Variants in PDE4B observed in about 807,000 individuals in gnomAD.
PDE4B encodes 3',5'-cyclic-AMP phosphodiesterase 4B.
In PDE4B, 20 loss-of-function variants were observed where a neutral mutation model predicts 82.2. The observed-to-expected ratio is 0.24, with a 90% CI of 0.17 to 0.35. PDE4B has a LOEUF of 0.35. PDE4B is among the 10% of genes least tolerant of loss of function. The pLI, the probability that PDE4B is intolerant of heterozygous loss-of-function variation, is 1.00. For synonymous variants in PDE4B, 320 were observed against 318.9 expected (o/e 1.00, Z -0.04); for missense variants, 655 against 907.2 (o/e 0.72, Z 3.57).
intron 1 of PDE4B, among the ~76,000 whole-genome samples, chr1:65,800,913 G>A (rs1333846403): frequency 1.3e-5 from 2 of 152,212 alleles, no homozygotes; most frequent in East Asian, 1.9e-4. Context: ...TTAACTGGAC[G>A]GAAGGTGTGG....
intron 3 of PDE4B, among the ~76,000 whole-genome samples, chr1:66,007,472 C>T (rs966215718): frequency 6.6e-6 from 1 of 151,948 alleles, no homozygotes; most frequent in Non-Finnish European, 1.5e-5. Flanking sequence ...CAAAACCAAA[C>T]AAATGAAAAA....
intron 1 of PDE4B, among the ~76,000 whole-genome samples, chr1:65,840,881 C>T (rs1392361024): frequency 2.6e-5 from 4 of 152,188 alleles, no homozygotes; most frequent in Admixed American, 1.3e-4. Flanking sequence ...ACTGAAATTT[C>T]GGAATCGCTA....
At chr1:66,100,831 T>C (rs2101019974) in intron 3 of PDE4B, among the ~76,000 whole-genome samples, 1 of 152,288 alleles carries the variant, frequency 6.6e-6, no homozygotes, top group Non-Finnish European at 1.5e-5. Flanking sequence ...GTAATTTTTT[T>C]ATTTTTATTT....
intron 3 of PDE4B, among the ~76,000 whole-genome samples, chr1:66,197,371 C>T (rs757361433): frequency 6.6e-6 from 1 of 152,040 alleles, no homozygotes; most frequent in Non-Finnish European, 1.5e-5. Flanking sequence ...CAACTCACTC[C>T]ACTAAACTAA....
At chr1:66,031,559 C>T (rs975995197) in intron 3 of PDE4B, among the ~76,000 whole-genome samples, 1 of 152,128 alleles carries the variant, frequency 6.6e-6, no homozygotes, top group African/African-American at 2.4e-5. Context: ...CTGTAGCCTG[C>T]AAGTAAATTA....
At chr1:65,819,196 A>G (rs1197213299) in intron 1 of PDE4B, among the ~76,000 whole-genome samples, 1 of 152,234 alleles carries the variant, frequency 6.6e-6, no homozygotes, top group Admixed American at 6.5e-5. Context: ...ATGGGTATAT[A>G]TAATCCACCT....
chr1:66,182,203 G>T (rs1195850334), intron 3 of PDE4B, among the ~76,000 whole-genome samples: 2 of 152,084 alleles, frequency 1.3e-5, no homozygotes, highest in African/African-American at 2.4e-5. Flanking sequence ...GGGTTTTTCG[G>T]TGTGGTTGTT....
chr1:65,876,942 A>C (rs1646651290), intron 1 of PDE4B, among the ~76,000 whole-genome samples: 1 of 152,232 alleles, frequency 6.6e-6, no homozygotes, highest in Admixed American at 6.5e-5. Context: ...GCTCGTGGAT[A>C]GGATGAATCA....
At chr1:66,057,559 GACTT>G (rs933887830) in intron 3 of PDE4B, among the ~76,000 whole-genome samples, 11 of 152,154 alleles carry the variant, frequency 7.2e-5, no homozygotes, top group African/African-American at 1.9e-4. Flanking sequence ...AGGTTTATTG[GACTT>G]ACAGTTCCAC....
chr1:66,009,123 C>T (rs992035659), intron 3 of PDE4B, among the ~76,000 whole-genome samples: 7 of 152,120 alleles, frequency 4.6e-5, no homozygotes, highest in African/African-American at 1.7e-4. Flanking sequence ...TAACATGTTC[C>T]AAATCTTTTC....
intron 3 of PDE4B, among the ~76,000 whole-genome samples, chr1:65,919,364 G>A (rs1450980528): frequency 3.9e-5 from 6 of 152,188 alleles, no homozygotes; most frequent in Non-Finnish European, 8.8e-5. Context: ...GTTGTGCAGA[G>A]TCTATATTTG....
chr1:66,149,925 T>C (rs1646357585), intron 3 of PDE4B, among the ~76,000 whole-genome samples: 1 of 152,182 alleles, frequency 6.6e-6, no homozygotes, highest in South Asian at 2.1e-4. Flanking sequence ...AAATAATTTT[T>C]TAATATGTTG....
In PDE4B at chr1:66,199,905, C is replaced by T. The variant is rs532144703; in HGVS notation, c.282-47555C>T. Among the ~76,000 whole-genome samples, 561 of 152,302 alleles carry T rather than the reference C, an allele frequency of 3.7e-3. 1 individual carries two copies. Among genetic ancestry groups the T allele is most frequent in the African/African-American group, 0.013 (532 of 41,544 alleles). ...TTGCCATTGCTTTTGGTGTTTTAGA[C>T]ATGAAGTCCTTGCCCAGGCCTATGT... On this transcript the variant is annotated intron_variant, in intron 3 of 16. Coordinates refer to ENST00000341517, the MANE Select transcript of PDE4B (RefSeq NM_002600.4).
intron 3 of PDE4B, among the ~76,000 whole-genome samples, chr1:66,227,507 A>G (rs1259785703): frequency 6.6e-6 from 1 of 152,220 alleles, no homozygotes; most frequent in Non-Finnish European, 1.5e-5. Context: ...TATACAATAT[A>G]TATTAGGGAT....
chr1:66,005,884 G>T (rs1175148295), intron 3 of PDE4B, among the ~76,000 whole-genome samples: 1 of 152,114 alleles, frequency 6.6e-6, no homozygotes, highest in Non-Finnish European at 1.5e-5. Context: ...GAGCACATAT[G>T]CATTCATTTG....
chr1:65,854,428 C>A (rs1416672730), intron 1 of PDE4B, among the ~76,000 whole-genome samples: 1 of 151,098 alleles, frequency 6.6e-6, no homozygotes, highest in African/African-American at 2.4e-5. Context: ...TAGTGCATAC[C>A]CACTGGCATT....
chr1:66,314,470 T>C (rs988417963), intron 7 of PDE4B, among the ~76,000 whole-genome samples: 5 of 152,192 alleles, frequency 3.3e-5, no homozygotes, highest in African/African-American at 1.2e-4. Context: ...TGGAGTACAG[T>C]GGCGTGATCT....
At chr1:65,839,468 G>T (rs1438381066) in intron 1 of PDE4B, among the ~76,000 whole-genome samples, 1 of 151,964 alleles carries the variant, frequency 6.6e-6, no homozygotes, top group Non-Finnish European at 1.5e-5. Context: ...CCCTTCCTGT[G>T]TCCATGTGTT....
intron 3 of PDE4B, among the ~76,000 whole-genome samples, chr1:66,159,690 A>G (rs1156331043): frequency 1.3e-5 from 2 of 152,134 alleles, no homozygotes; most frequent in Non-Finnish European, 1.5e-5. Flanking sequence ...ATCCTCGCAT[A>G]CTGGGGTAGT....
Sources: allele counts gnomAD v4.1 joint callset (sites outside exome capture counted in the v4.1 genomes callset), GRCh38; gene constraint gnomAD v4.1.1; transcripts MANE v1.5; gene names NCBI Gene and HGNC (gene_info 2026-07-23, HGNC 2026-07-21).